Variants in IL1RL2 observed in about 807,000 individuals in gnomAD.
IL1RL2 encodes the protein interleukin-1 receptor-like 2.
A neutral mutation model predicts 66.8 loss-of-function variants in IL1RL2; 68 were observed. That is an observed-to-expected ratio of 1.02 (90% CI 0.84 to 1.25). IL1RL2 has a LOEUF of 1.25. Ranked by LOEUF, IL1RL2 falls within the 50% of genes most tolerant of loss-of-function variation. IL1RL2 has a pLI of 0.00. For missense variants in IL1RL2, 729 were observed against 709.3 expected, an observed-to-expected ratio of 1.03 and a Z score of -0.32; for synonymous variants, 305 against 264.6, an observed-to-expected ratio of 1.15 and a Z score of -1.48.
chr2:102,214,087 A>T (rs1319974340), intron 6 of IL1RL2, among the ~76,000 whole-genome samples: 1 of 152,202 alleles, frequency 6.6e-6, no homozygotes, highest in Non-Finnish European at 1.5e-5. Context: ...TTGTCTACAC[A>T]TTACTCATTA....
At chr2:102,189,597 TC>T (rs1236269764) in intron 3 of IL1RL2, among the ~76,000 whole-genome samples, 1 of 152,120 alleles carries the variant, frequency 6.6e-6, no homozygotes, top group African/African-American at 2.4e-5. Flanking sequence ...TTTCCTGTTT[TC>T]TTTTTCTTTT....
Position 102,230,131 on chromosome 2 carries a change from G to A in IL1RL2, c.1136-2832G>A, listed in dbSNP as rs934493775. On this transcript the variant is annotated intron_variant, in intron 9 of 11. Transcript: ENST00000264257. ...GAGAGGTTATTCTCTGTGGTGAACCGAGCATCAACTCACCCAGCCCTTCAT... is the reference window on the plus strand; with the variant it reads ...GAGAGGTTATTCTCTGTGGTGAACCAAGCATCAACTCACCCAGCCCTTCAT... Among the ~76,000 whole-genome samples, 6 of 152,134 alleles carry A rather than the reference G, an allele frequency of 3.9e-5. 1 individual carries two copies. In the East Asian group the frequency reaches 7.7e-4, roughly 19 times the overall value.
intron 6 of IL1RL2, among the ~76,000 whole-genome samples, chr2:102,217,257 AT>A (rs1689691468): frequency 6.6e-6 from 1 of 152,094 alleles, no homozygotes; most frequent in South Asian, 2.1e-4. Flanking sequence ...AGCAGTTTTT[AT>A]TTTTGTTCAG....
intron 5 of IL1RL2, among the ~76,000 whole-genome samples, chr2:102,211,283 A>AT (rs1412770452): frequency 6.6e-6 from 1 of 152,230 alleles, no homozygotes; most frequent in Non-Finnish European, 1.5e-5. Flanking sequence ...TGATCGCTAA[A>AT]TTTTGGCAGA....
intron 4 of IL1RL2, among the ~76,000 whole-genome samples, chr2:102,199,555 G>C (rs545144826): frequency 1.7e-4 from 26 of 152,328 alleles, no homozygotes; most frequent in Admixed American, 8.5e-4. Flanking sequence ...TTGTTAGTGA[G>C]ACATTACCCT....
At chr2:102,229,794 A>G (rs556817690) in intron 9 of IL1RL2, among the ~76,000 whole-genome samples, 1 of 152,384 alleles carries the variant, frequency 6.6e-6, no homozygotes, top group East Asian at 1.9e-4. Context: ...GCACATTTGT[A>G]CATTTTGAAT....
At chr2:102,191,307 G>C (rs60428834) in intron 3 of IL1RL2, among the ~76,000 whole-genome samples, 1,911 of 152,012 alleles carry the variant, frequency 0.013, 37 homozygotes, top group African/African-American at 0.041. Flanking sequence ...CATAATCATA[G>C]TATAGTTATC....
At chr2:102,216,514 C>T (rs1051616365) in intron 6 of IL1RL2, among the ~76,000 whole-genome samples, 1 of 151,710 alleles carries the variant, frequency 6.6e-6, no homozygotes, top group Non-Finnish European at 1.5e-5. Context: ...TTGTTTTTTT[C>T]TTTTAATCCA....
At chr2:102,193,708 T>A (rs1558648) in intron 4 of IL1RL2, among the ~76,000 whole-genome samples, 1 of 152,188 alleles carries the variant, frequency 6.6e-6, no homozygotes, top group Admixed American at 6.5e-5. Context: ...ATTATAAGCC[T>A]TTGATTTTTA....
Position 102,239,231 on chromosome 2 carries a change from C to A in IL1RL2, c.1718C>A (p.Thr573Lys). The A allele has an allele frequency of 6.2e-7, 1 of 1,613,926 alleles. No homozygotes were observed. Among genetic ancestry groups the A allele is most frequent in the Non-Finnish European group, 8.5e-7 (1 of 1,179,818 alleles). ...TCAAGAAGAAAGAAGTGTACTCTCA[C>A]GACTGGCTAAGACTTGCTGGACTGA... ...LGSRRKKCTLTTG is the reference protein window; with the variant it reads ...LGSRRKKCTLKTG The change falls in exon 12 of 12, where the codon ACG (threonine) becomes AAG (lysine). Residue 573 changes from threonine to lysine, a missense_variant. Transcript: ENST00000264257.
At chr2:102,195,557 TTC>T (rs369741227) in intron 4 of IL1RL2, among the ~76,000 whole-genome samples, 13 of 113,942 alleles carry the variant, frequency 1.1e-4, no homozygotes, top group Admixed American at 2.8e-4. Flanking sequence ...ATTTCTTTCT[TTC>T]TCTTTCTTTC....
At chr2:102,189,003 A>C in intron 2 of IL1RL2, 73 bp from the exon 3 acceptor site, 2 of 1,158,980 alleles carry the variant, frequency 1.7e-6, no homozygotes, top group Non-Finnish European at 1.2e-6. Flanking sequence ...GAGGCATTTA[A>C]AAAAACTAAC....
chr2:102,230,241 A>G (rs1690998487), intron 9 of IL1RL2, among the ~76,000 whole-genome samples: 1 of 152,220 alleles, frequency 6.6e-6, no homozygotes, highest in Non-Finnish European at 1.5e-5. Flanking sequence ...TAAGAAACTT[A>G]TGAAATGTTT....
chr2:102,219,896 TCGG>T lies in IL1RL2; in HGVS notation c.871_873del (p.Arg291del). 6.2e-7 allele frequency: 1 copy of T among 1,611,398 alleles called. No homozygotes were observed. The highest frequency in any genetic ancestry group is 8.5e-7 in the Non-Finnish European group (1 of 1,177,668). On this transcript the variant is annotated inframe_deletion, in exon 8 of 12. Transcript: ENST00000264257. Reference sequence around the variant, plus strand: ...TCTTTTATAGAACCCATGTCTCTTTTCGGGAACATAATTTGTACACAGTAAACA... The same window carrying T: ...TCTTTTATAGAACCCATGTCTCTTTTGAACATAATTTGTACACAGTAAACA...
chr2:102,226,251 T>A (rs956650148), intron 9 of IL1RL2, among the ~76,000 whole-genome samples: 2 of 152,210 alleles, frequency 1.3e-5, no homozygotes, highest in Non-Finnish European at 2.9e-5. Flanking sequence ...CTCGTAGTGA[T>A]TGAGGAAATA....
At chr2:102,191,629 C>T (rs1455048850) in intron 3 of IL1RL2, among the ~76,000 whole-genome samples, 2 of 152,194 alleles carry the variant, frequency 1.3e-5, no homozygotes, top group Non-Finnish European at 2.9e-5. Flanking sequence ...GGCTGGAATG[C>T]TAGGTGAGGC....
At chr2:102,234,615 C>A (rs149853964) in intron 10 of IL1RL2, among the ~76,000 whole-genome samples, 4 of 152,030 alleles carry the variant, frequency 2.6e-5, no homozygotes, top group African/African-American at 9.7e-5. Context: ...GGTAAAACCC[C>A]GTTTCTACTA....
At chr2:102,216,959 A>G (rs1183171998) in intron 6 of IL1RL2, among the ~76,000 whole-genome samples, 2 of 152,132 alleles carry the variant, frequency 1.3e-5, no homozygotes, top group African/African-American at 4.8e-5. Flanking sequence ...ATTTTTGACC[A>G]TTTTGACCTT....
chr2:102,199,619 G>A (rs994827821), intron 4 of IL1RL2, among the ~76,000 whole-genome samples: 1 of 152,192 alleles, frequency 6.6e-6, no homozygotes, highest in African/African-American at 2.4e-5. Context: ...TTGAAATAAT[G>A]TTCCAGTGGA....
Sources: allele counts gnomAD v4.1 joint callset (sites outside exome capture counted in the v4.1 genomes callset), GRCh38; gene constraint gnomAD v4.1.1; transcripts MANE v1.5; gene names NCBI Gene and HGNC (gene_info 2026-07-23, HGNC 2026-07-21).